The following ANO2 variants were observed in gnomAD, a reference collection of about 807,000 sequenced individuals.
The protein encoded by ANO2 is anoctamin 2, also known as anoctamin-2.
ANO2 carries 101 observed loss-of-function variants against 124.2 expected under a neutral mutation model. The ratio of observed to expected loss-of-function variants is 0.81; its 90% confidence interval spans 0.69 to 0.96. The LOEUF (loss-of-function observed/expected upper bound fraction) is 0.96, where lower values mean the gene tolerates loss of function less well. Among genes scored for constraint, ANO2 ranks in the 40% least tolerant of loss-of-function variants. The probability of loss-of-function intolerance (pLI) is 0.00; values close to 1 mark genes in which losing one functional copy is unlikely to be tolerated. For synonymous variants in ANO2, 486 were observed against 482.5 expected, an observed-to-expected ratio of 1.01 and a Z score of -0.09; for missense variants, 1,293 against 1,274.5, an observed-to-expected ratio of 1.01 and a Z score of -0.22.
intron 14 of ANO2, among the ~76,000 whole-genome samples, chr12:5,713,728 C>A (rs923217922): frequency 6.6e-6 from 1 of 152,330 alleles, no homozygotes; most frequent in African/African-American, 2.4e-5. Flanking sequence ...GCAGTCCAAC[C>A]ACCTTCCAGA....
intron 13 of ANO2, 147 bp from the exon 14 acceptor site, chr12:5,732,777 G>A: frequency 1.3e-6 from 2 of 1,575,560 alleles, no homozygotes; most frequent in Non-Finnish European, 8.7e-7. Context: ...CAATCACAAG[G>A]CATCTAGACA....
intron 14 of ANO2, among the ~76,000 whole-genome samples, chr12:5,714,760 A>C (rs559609804): frequency 2.8e-4 from 42 of 152,338 alleles, no homozygotes; most frequent in Non-Finnish European, 5.4e-4. Context: ...AAAGGTGCCC[A>C]GTTTGGATTC....
At chr12:5,658,000 CTG>C (rs1947246018) in intron 14 of ANO2, among the ~76,000 whole-genome samples, 1 of 152,150 alleles carries the variant, frequency 6.6e-6, no homozygotes, top group Admixed American at 6.5e-5. Flanking sequence ...GGCCAGCAAT[CTG>C]TGAAATGGGA....
intron 10 of ANO2, among the ~76,000 whole-genome samples, chr12:5,788,927 T>A (rs1423702409): frequency 3.3e-5 from 5 of 152,174 alleles, no homozygotes; most frequent in African/African-American, 1.2e-4. Flanking sequence ...TGCTGAGAGG[T>A]CTGAGTCTGG....
chr12:5,695,460 C>A (rs1217139958), intron 14 of ANO2, among the ~76,000 whole-genome samples: 2 of 151,944 alleles, frequency 1.3e-5, no homozygotes, highest in East Asian at 1.9e-4. Flanking sequence ...GCCACATTCT[C>A]CAAACAAAAT....
intron 3 of ANO2, among the ~76,000 whole-genome samples, chr12:5,909,491 C>A (rs932045287): frequency 2.0e-5 from 3 of 152,216 alleles, no homozygotes; most frequent in African/African-American, 7.2e-5. Context: ...CCAACCTTCC[C>A]TTTTTCCAGA....
intron 3 of ANO2, among the ~76,000 whole-genome samples, chr12:5,894,342 T>C (rs991546369): frequency 6.6e-6 from 1 of 152,182 alleles, no homozygotes; most frequent in Non-Finnish European, 1.5e-5. Context: ...GGTTGTTTGT[T>C]TTTTTCTTGC....
At chr12:5,736,450 T>C (rs895914811) in intron 13 of ANO2, among the ~76,000 whole-genome samples, 1 of 152,174 alleles carries the variant, frequency 6.6e-6, no homozygotes, top group African/African-American at 2.4e-5. Flanking sequence ...CTTAAGGTTA[T>C]AGAAAGCTAG....
At chr12:5,643,345 G>GT (rs1296019539) in intron 15 of ANO2, among the ~76,000 whole-genome samples, 10 of 152,070 alleles carry the variant, frequency 6.6e-5, no homozygotes, top group African/African-American at 2.2e-4. Context: ...CTTTCATCTT[G>GT]TTTTTTTCAC....
At chr12:5,628,662 CAG>C (rs1184529982) in intron 16 of ANO2, among the ~76,000 whole-genome samples, 1 of 140,560 alleles carries the variant, frequency 7.1e-6, no homozygotes, top group Non-Finnish European at 1.6e-5. Context: ...ACAGGGTAAG[CAG>C]AGAGTGTGTG....
chr12:5,727,346 C>T (rs139966778), intron 14 of ANO2, among the ~76,000 whole-genome samples: 1 of 152,198 alleles, frequency 6.6e-6, no homozygotes, highest in East Asian at 1.9e-4. Context: ...CTTCCTGAGG[C>T]CTCCTTAGAA....
chr12:5,848,764 C>T (rs893843630), intron 4 of ANO2, among the ~76,000 whole-genome samples: 8 of 152,236 alleles, frequency 5.3e-5, no homozygotes, highest in Admixed American at 2.6e-4. Flanking sequence ...GGATTTCTGG[C>T]TGCCTTGGCA....
At chr12:5,895,544 C>T (rs1437273812) in intron 3 of ANO2, among the ~76,000 whole-genome samples, 1 of 152,046 alleles carries the variant, frequency 6.6e-6, no homozygotes, top group Non-Finnish European at 1.5e-5. Context: ...TGTTCAACAT[C>T]ACTAATCATC....
intron 10 of ANO2, among the ~76,000 whole-genome samples, chr12:5,765,093 G>T (rs1023746924): frequency 6.6e-6 from 1 of 152,056 alleles, no homozygotes; most frequent in Non-Finnish European, 1.5e-5. Flanking sequence ...ACCTGGAAAA[G>T]GAAGGAAGAA....
intron 3 of ANO2, among the ~76,000 whole-genome samples, chr12:5,879,277 A>C (rs1228357102): frequency 6.6e-6 from 1 of 152,248 alleles, no homozygotes; most frequent in Non-Finnish European, 1.5e-5. Flanking sequence ...ACTGTACTCA[A>C]GCCCAAGAAA....
chr12:5,663,807 G>C (rs982958247), intron 14 of ANO2, among the ~76,000 whole-genome samples: 1 of 152,150 alleles, frequency 6.6e-6, no homozygotes, highest in Non-Finnish European at 1.5e-5. Context: ...TAGGCTGGTC[G>C]GGTCAGGCCT....
intron 20 of ANO2, among the ~76,000 whole-genome samples, chr12:5,592,663 G>A (rs1311095637): frequency 6.6e-6 from 1 of 152,104 alleles, no homozygotes; most frequent in Non-Finnish European, 1.5e-5. Context: ...AGAAGGAAAG[G>A]TAGAAGGAGT....
chr12:5,849,638 C>T (rs535439135), intron 4 of ANO2, among the ~76,000 whole-genome samples: 2 of 152,304 alleles, frequency 1.3e-5, no homozygotes, highest in South Asian at 4.1e-4. Flanking sequence ...CAGTTAATAT[C>T]TGTGCTCAGG....
intron 7 of ANO2, among the ~76,000 whole-genome samples, chr12:5,814,299 C>T (rs1424060442): frequency 6.6e-6 from 1 of 152,226 alleles, no homozygotes; most frequent in Non-Finnish European, 1.5e-5. Flanking sequence ...ATATGCCCAC[C>T]TTGAATTACC....
Sources: allele counts gnomAD v4.1 joint callset (sites outside exome capture counted in the v4.1 genomes callset), GRCh38; gene constraint gnomAD v4.1.1; transcripts MANE v1.5; gene names NCBI Gene and HGNC (gene_info 2026-07-23, HGNC 2026-07-21).